Variants in B3GALT1 observed in about 807,000 individuals in gnomAD.
B3GALT1 encodes the protein beta-1,3-galactosyltransferase 1, also known as UDP-Gal:betaGlcNAc beta 1,3-galactosyltransferase, polypeptide 1.
In B3GALT1, 10 loss-of-function variants were observed where a neutral mutation model predicts 23.2. That is an observed-to-expected ratio of 0.43 (90% CI 0.27 to 0.73). The LOEUF is 0.73. B3GALT1 is among the 30% of genes least tolerant of loss of function. The probability of loss-of-function intolerance (pLI) is 0.21; values close to 1 mark genes in which losing one functional copy is unlikely to be tolerated. For missense variants in B3GALT1, 299 were observed against 405.4 expected, an observed-to-expected ratio of 0.74 and a Z score of 2.25; for synonymous variants, 156 against 141.5, an observed-to-expected ratio of 1.10 and a Z score of -0.73.
chr2:167,763,690 G>GAAAAAAAAAAAAAA (rs35567239), intron 3 of B3GALT1, among the ~76,000 whole-genome samples: 1 of 82,066 alleles, frequency 1.2e-5, no homozygotes, highest in African/African-American at 5.7e-5. Context: ...GACTCTGTCA[G>GAAAAAAAAAAAAAA]AAAAAAAAAA....
rs186587743 is a variant in B3GALT1, at chr2:167,644,097, G to T, written c.-409-2812G>T. Reference sequence around the variant, plus strand: ...TAACCATAAGAGTTCAGTTTTCACAGTTTTAAGGAGGTGTTTAGAATTGTT... The same window carrying T: ...TAACCATAAGAGTTCAGTTTTCACATTTTTAAGGAGGTGTTTAGAATTGTT... On this transcript the variant is annotated intron_variant, in intron 2 of 4. Transcript: ENST00000392690. 7.6e-4 allele frequency among the ~76,000 whole-genome samples: 115 copies of T among 152,294 alleles called. 1 individual carries two copies. Among genetic ancestry groups the T allele is most frequent in the African/African-American group, 2.6e-3 (108 of 41,572 alleles).
chr2:167,823,323 G>T (rs1003375588), intron 4 of B3GALT1, among the ~76,000 whole-genome samples: 1 of 152,136 alleles, frequency 6.6e-6, no homozygotes, highest in African/African-American at 2.4e-5. Flanking sequence ...GTGCTTGAGT[G>T]TGTGTGCTTT....
intron 3 of B3GALT1, among the ~76,000 whole-genome samples, chr2:167,723,872 C>G (rs1489404179): frequency 6.6e-6 from 1 of 152,170 alleles, no homozygotes; most frequent in Non-Finnish European, 1.5e-5. Context: ...TGAACTTCAT[C>G]TCATTAGCCT....
rs191714633 is a variant in B3GALT1, at chr2:167,725,024, G to T, written c.-352+78058G>T. On this transcript the variant is annotated intron_variant, in intron 3 of 4. Transcript: ENST00000392690. ...GACAATGAGACTCATTTGTCCAGAA[G>T]AATGTAAAAACTATTAAGTCAAACA... Among the ~76,000 whole-genome samples the T allele has an allele frequency of 3.2e-3, 481 of 152,278 alleles. 1 individual carries two copies. The highest frequency in any genetic ancestry group is 4.0e-3 in the Non-Finnish European group (270 of 68,024).
intron 1 of B3GALT1, among the ~76,000 whole-genome samples, chr2:167,370,913 G>GA (rs1402246741): frequency 6.6e-6 from 1 of 152,102 alleles, no homozygotes; most frequent in Non-Finnish European, 1.5e-5. Context: ...GCGACAGTGC[G>GA]AGACTCCATC....
chr2:167,428,491 A>G (rs1246925372), intron 1 of B3GALT1, among the ~76,000 whole-genome samples: 1 of 151,854 alleles, frequency 6.6e-6, no homozygotes, highest in Non-Finnish European at 1.5e-5. Flanking sequence ...CCTGGCCAAC[A>G]TGGTGAAACC....
chr2:167,586,630 T>G (rs1241287870), intron 2 of B3GALT1, among the ~76,000 whole-genome samples: 1 of 152,168 alleles, frequency 6.6e-6, no homozygotes, highest in Non-Finnish European at 1.5e-5. Flanking sequence ...ACCTTTCAAC[T>G]GCACATTTAA....
intron 3 of B3GALT1, among the ~76,000 whole-genome samples, chr2:167,803,312 A>ATAGC (rs1558984091): frequency 5.3e-5 from 8 of 152,220 alleles, no homozygotes; most frequent in African/African-American, 1.9e-4. Context: ...CTATTCCAAA[A>ATAGC]TAGCTCAATT....
rs1690326214 is a variant in B3GALT1, at chr2:167,870,594, C to G, written c.*574C>G. 1 of 167,062 alleles carries G rather than the reference C, an allele frequency of 6.0e-6. No individual in the cohort carries two copies. Among genetic ancestry groups the G allele is most frequent in the Non-Finnish European group, 1.5e-5 (1 of 68,166 alleles). 10.3% of individuals were successfully genotyped at this position (167,062 alleles called of 1,614,324 possible). On this transcript the variant is annotated 3_prime_UTR_variant, in exon 5 of 5. Transcript: ENST00000392690. ...TAGATGGGAGTTTAAATTTGAGAATCAAACATTCTATGTGTTTGGAAGACA... is the reference window on the plus strand; with the variant it reads ...TAGATGGGAGTTTAAATTTGAGAATGAAACATTCTATGTGTTTGGAAGACA...
chr2:167,709,438 G>C (rs552969699), intron 3 of B3GALT1, among the ~76,000 whole-genome samples: 2 of 152,316 alleles, frequency 1.3e-5, no homozygotes, highest in East Asian at 3.9e-4. Flanking sequence ...CACAGGTGTA[G>C]CATAAACCCC....
intron 3 of B3GALT1, among the ~76,000 whole-genome samples, chr2:167,753,704 G>A (rs1687773668): frequency 6.6e-6 from 1 of 152,136 alleles, no homozygotes; most frequent in Non-Finnish European, 1.5e-5. Flanking sequence ...AAATTTGCTT[G>A]CCAATGATTT....
intron 1 of B3GALT1, among the ~76,000 whole-genome samples, chr2:167,422,240 CCCTCTCTCTGCCTCTG>C (rs1559091813): frequency 1.4e-5 from 2 of 147,498 alleles, no homozygotes; most frequent in African/African-American, 2.5e-5. Flanking sequence ...CTTCCCGTCT[CCCTCTCTCTGCCTCTG>C]CCTCTCTCTG....
chr2:167,805,859 G>A, intron 3 of B3GALT1, among the ~76,000 whole-genome samples: 1 of 152,112 alleles, frequency 6.6e-6, no homozygotes, highest in East Asian at 1.9e-4. Flanking sequence ...TTCCAATTGT[G>A]TGAAGAAAGT....
At chr2:167,778,736 A>G (rs1216737494) in intron 3 of B3GALT1, among the ~76,000 whole-genome samples, 1 of 152,234 alleles carries the variant, frequency 6.6e-6, no homozygotes, top group African/African-American at 2.4e-5. Context: ...ACAAGGAAAA[A>G]ACAACTTGTT....
chr2:167,865,861 A>G (rs1690205626), intron 4 of B3GALT1, among the ~76,000 whole-genome samples: 1 of 152,104 alleles, frequency 6.6e-6, no homozygotes, highest in Non-Finnish European at 1.5e-5. Context: ...GGAAGATAAG[A>G]TCCTCCTTCA....
intron 3 of B3GALT1, among the ~76,000 whole-genome samples, chr2:167,667,075 G>A (rs1381169942): frequency 1.3e-5 from 2 of 151,866 alleles, no homozygotes; most frequent in South Asian, 2.1e-4. Flanking sequence ...GCATGATTTT[G>A]CAGCGGCTGG....
chr2:167,437,451 A>T (rs1698807710), intron 1 of B3GALT1, among the ~76,000 whole-genome samples: 1 of 152,196 alleles, frequency 6.6e-6, no homozygotes, highest in Non-Finnish European at 1.5e-5. Context: ...AACTTCTGCA[A>T]TTTGGAGGGT....
chr2:167,342,730 T>G (rs190634726), intron 1 of B3GALT1, among the ~76,000 whole-genome samples: 191 of 152,342 alleles, frequency 1.3e-3, no homozygotes, highest in Admixed American at 2.3e-3. Context: ...GCATTTTTTT[T>G]GTCTCTTTAA....
chr2:167,530,505 T>TC lies in B3GALT1; in HGVS notation c.-410+40230dup, dbSNP rs1339578462. Among the ~76,000 whole-genome samples, 15 of 152,338 alleles carry TC rather than the reference T, an allele frequency of 9.8e-5. No homozygotes were observed. The East Asian group carries it at 2.1e-3, about 22-fold the overall frequency. On this transcript the variant is annotated intron_variant, in intron 2 of 4. Coordinates refer to ENST00000392690, the MANE Select transcript of B3GALT1 (RefSeq NM_020981.4). ...AGTATATACATGCTGCTGGAATAGT[T>TC]CCTTAAATAAAATGTTAATCCTCTT...
Sources: gnomAD v4.1 joint callset for allele counts (sites outside exome capture counted in the v4.1 genomes callset) on GRCh38, gnomAD v4.1.1 for gene constraint, MANE v1.5 for transcripts, NCBI Gene and HGNC (gene_info 2026-07-23, HGNC 2026-07-21) for gene names.